The following SPRR2B variants were observed in gnomAD, a reference collection of about 807,000 sequenced individuals.
SPRR2B encodes small proline rich protein 2B.
A neutral mutation model predicts 1.0 loss-of-function variants in SPRR2B; 1 was observed. The ratio of observed to expected loss-of-function variants is 1.01; its 90% CI spans 0.36 to 4.77. The LOEUF is 4.77. Ranked by LOEUF, SPRR2B falls within the 30% of genes most tolerant of loss-of-function variation. The pLI is 0.16. For missense variants in SPRR2B, 53 were observed against 88.7 expected, an observed-to-expected ratio of 0.60 and a Z score of 1.62; for synonymous variants, 27 against 33.4, an observed-to-expected ratio of 0.81 and a Z score of 0.66.
the SPRR2B span, among the ~76,000 whole-genome samples, chr1:153,086,564 C>A: frequency 2.6e-5 from 4 of 152,172 alleles, no homozygotes; most frequent in Admixed American, 2.6e-4. Context: ...GATTTAGACT[C>A]CCCAGTAATT....
At chr1:153,078,876 C>A in the SPRR2B span, among the ~76,000 whole-genome samples, 1 of 152,182 alleles carries the variant, frequency 6.6e-6, no homozygotes, top group Non-Finnish European at 1.5e-5. Context: ...TGGGTATATA[C>A]CCAGTAATGG....
upstream of SPRR2B, among the ~76,000 whole-genome samples, chr1:153,075,593 A>C (rs1254961385): frequency 6.6e-6 from 1 of 152,202 alleles, no homozygotes; most frequent in East Asian, 1.9e-4. Flanking sequence ...ATGAGAAAAA[A>C]ATTAAATCAG....
At chr1:153,078,530 C>T in the SPRR2B span, among the ~76,000 whole-genome samples, 1 of 143,752 alleles carries the variant, frequency 7.0e-6, no homozygotes. Context: ...CACCCCACAA[C>T]CGGCCCCAGT....
At chr1:153,074,383 T>C (rs756414392), upstream of SPRR2B, among the ~76,000 whole-genome samples, 3 of 152,340 alleles carry the variant, frequency 2.0e-5, no homozygotes, top group Non-Finnish European at 4.4e-5. Context: ...AACAAAATTA[T>C]GGTAAAATAT....
upstream of SPRR2B, among the ~76,000 whole-genome samples, chr1:153,072,231 C>A (rs1342104253): frequency 6.6e-6 from 1 of 152,110 alleles, no homozygotes; most frequent in East Asian, 1.9e-4. Flanking sequence ...ATTCCTTTTC[C>A]CTTTGAAGTT....
chr1:153,086,005 C>T, the SPRR2B span, among the ~76,000 whole-genome samples: 1 of 152,168 alleles, frequency 6.6e-6, no homozygotes, highest in East Asian at 1.9e-4. Flanking sequence ...TACCCCCAGA[C>T]CTACCTTACT....
At chr1:153,083,645 A>G in the SPRR2B span, among the ~76,000 whole-genome samples, 2 of 152,178 alleles carry the variant, frequency 1.3e-5, no homozygotes, top group South Asian at 4.1e-4. Flanking sequence ...TACACACCAG[A>G]ACTCGTTCCT....
At chr1:153,082,246 A>G in the SPRR2B span, among the ~76,000 whole-genome samples, 1 of 152,228 alleles carries the variant, frequency 6.6e-6, no homozygotes. Flanking sequence ...AAACACAAAC[A>G]GTGTACAGAA....
At chr1:153,087,083 T>C in the SPRR2B span, among the ~76,000 whole-genome samples, 2 of 152,062 alleles carry the variant, frequency 1.3e-5, no homozygotes, top group African/African-American at 4.8e-5. Context: ...GGGAAATTTA[T>C]AGCACTATAA....
upstream of SPRR2B, among the ~76,000 whole-genome samples, chr1:153,073,989 T>C (rs1262592720): frequency 6.6e-6 from 1 of 152,204 alleles, no homozygotes; most frequent in African/African-American, 2.4e-5. Flanking sequence ...CATAATGCTA[T>C]GAAATTTACA....
chr1:153,082,232 A>T, the SPRR2B span, among the ~76,000 whole-genome samples: 2 of 152,210 alleles, frequency 1.3e-5, no homozygotes, highest in Non-Finnish European at 2.9e-5. Context: ...ATCAGACGGT[A>T]TTGAAACACA....
chr1:153,082,677 A>G, the SPRR2B span, among the ~76,000 whole-genome samples: 6 of 152,152 alleles, frequency 3.9e-5, no homozygotes, highest in Non-Finnish European at 7.3e-5. Context: ...AACAAAACAC[A>G]TCATACCAAA....
chr1:153,071,651 C>T (rs916543327), upstream of SPRR2B, among the ~76,000 whole-genome samples: 1 of 152,270 alleles, frequency 6.6e-6, no homozygotes, highest in African/African-American at 2.4e-5. Flanking sequence ...GGGCCAGCTA[C>T]CCCACCCAGC....
chr1:153,080,502 A>G, the SPRR2B span, among the ~76,000 whole-genome samples: 1 of 152,184 alleles, frequency 6.6e-6, no homozygotes, highest in Non-Finnish European at 1.5e-5. Flanking sequence ...GAATAAAACT[A>G]AAAACTTATA....
chr1:153,087,650 AC>A, the SPRR2B span, among the ~76,000 whole-genome samples: 22 of 152,146 alleles, frequency 1.4e-4, no homozygotes, highest in African/African-American at 2.9e-4. Context: ...TATAGAAAAA[AC>A]AAATGCATTC....
the SPRR2B span, among the ~76,000 whole-genome samples, chr1:153,083,595 G>A: frequency 6.6e-6 from 1 of 152,276 alleles, no homozygotes; most frequent in Admixed American, 6.5e-5. Flanking sequence ...CAGAAGTTAG[G>A]CTGAAAAGAG....
the SPRR2B span, among the ~76,000 whole-genome samples, chr1:153,081,164 A>C: frequency 6.6e-6 from 1 of 152,256 alleles, no homozygotes; most frequent in African/African-American, 2.4e-5. Flanking sequence ...AAATTATCAA[A>C]AGAGAATCTC....
At chr1:153,080,765 G>A in the SPRR2B span, among the ~76,000 whole-genome samples, 10 of 152,096 alleles carry the variant, frequency 6.6e-5, no homozygotes, top group East Asian at 1.9e-4. Flanking sequence ...TTTATGATAC[G>A]ATCCAGCAAC....
chr1:153,086,041 A>G, the SPRR2B span, among the ~76,000 whole-genome samples: 1 of 152,344 alleles, frequency 6.6e-6, no homozygotes, highest in South Asian at 2.1e-4. Flanking sequence ...AGCACTAAAT[A>G]TAGAAAGGAA....
Sources: gnomAD v4.1 joint callset for allele counts (sites outside exome capture counted in the v4.1 genomes callset) on GRCh38, gnomAD v4.1.1 for gene constraint, MANE v1.5 for transcripts, NCBI Gene and HGNC (gene_info 2026-07-23, HGNC 2026-07-21) for gene names.